LAMB1: variants seen among roughly 807,000 people sequenced by gnomAD.
LAMB1 encodes laminin subunit beta 1.
LAMB1 carries 121 observed loss-of-function variants against 222.3 expected under a neutral mutation model. The ratio of observed to expected loss-of-function variants is 0.54; its 90% CI spans 0.47 to 0.63. The LOEUF (loss-of-function observed/expected upper bound fraction) is 0.63. Ranked by LOEUF, LAMB1 falls within the 30% of genes least tolerant of loss-of-function variation. The pLI is 0.00. For missense variants in LAMB1, 2,172 were observed against 2,240.8 expected, an observed-to-expected ratio of 0.97 and a Z score of 0.62; for synonymous variants, 794 against 807.2, an observed-to-expected ratio of 0.98 and a Z score of 0.28.
intron 14 of LAMB1, 152 bp downstream of exon 14, chr7:107,964,400 C>G: frequency 1.1e-6 from 1 of 885,678 alleles, no homozygotes. Flanking sequence ...TTAAATATGA[C>G]TCTTCTCAGG....
chr7:108,002,889 G>C lies in LAMB1; in HGVS notation c.-4C>G. On this transcript the variant is annotated 5_prime_UTR_variant, in exon 2 of 34. Coordinates refer to ENST00000222399, the MANE Select transcript of LAMB1 (RefSeq NM_002291.3). ...CTAGCAACTGGAGAAGCCCCATGCC[G>C]GCTCCCTGCAGCCACGGGGACGCGG... 1 of 1,613,986 alleles carries C rather than the reference G, an allele frequency of 6.2e-7. No individual in the cohort carries two copies. The highest frequency in any genetic ancestry group is 8.5e-7 in the Non-Finnish European group (1 of 1,179,998).
chr7:107,973,141 A>T, intron 12 of LAMB1, 70 bp from the exon 13 acceptor site: 1 of 1,265,272 alleles, frequency 7.9e-7, no homozygotes, highest in Non-Finnish European at 1.2e-6. Context: ...GCAACAAGCA[A>T]GTTAAAGCTT....
At chr7:107,929,374 C>A (rs752293599) in intron 30 of LAMB1, 38 bp downstream of exon 30, 4 of 1,574,814 alleles carry the variant, frequency 2.5e-6, no homozygotes, top group Non-Finnish European at 3.5e-6. Context: ...ATGATAGATA[C>A]ACAAAATAAG....
intron 2 of LAMB1, chr7:108,002,080 T>C (rs1056756497): frequency 8.2e-6 from 12 of 1,464,138 alleles, no homozygotes; most frequent in Non-Finnish European, 1.1e-5. Context: ...CACTTCGACG[T>C]GTCCGGAGCC....
intron 8 of LAMB1, among the ~76,000 whole-genome samples, chr7:107,980,003 T>C (rs182308270): frequency 6.6e-6 from 1 of 152,022 alleles, no homozygotes; most frequent in African/African-American, 2.4e-5. Context: ...AGGTCAGGAG[T>C]TTGAGATCAG....
chr7:107,923,834 A>G lies in LAMB1; in HGVS notation c.*117T>C. On this transcript the variant is annotated 3_prime_UTR_variant, in exon 34 of 34. Coordinates refer to ENST00000222399, the MANE Select transcript of LAMB1 (RefSeq NM_002291.3). ...AGCACTGTACTTTATTTAACTCCAT[A>G]CAAAATGTGATTAAAAACATTAAAT... The G allele has an allele frequency of 4.1e-6, 4 of 986,894 alleles. No individual in the cohort carries two copies. Among genetic ancestry groups the G allele is most frequent in the Non-Finnish European group, 5.9e-6 (4 of 675,646 alleles). The allele number at this position is 986,894 out of a possible 1,614,324, so 61.1% of individuals were successfully genotyped here. A position where few individuals can be genotyped will look rare whatever the true frequency, so the allele number is the denominator to read the frequency against.
Position 107,964,481 on chromosome 7 carries a change from T to TGAAATGGG in LAMB1, c.1698+70_1698+71insCCCATTTC, listed in dbSNP as rs1202219917. On this transcript the variant is annotated intron_variant, in intron 14 of 33. Coordinates refer to ENST00000222399, the MANE Select transcript of LAMB1 (RefSeq NM_002291.3). ...AAAAATGCTTCTGAAATGGGGTCTT[T>TGAAATGGG]ACAAAGCATGTATGTTCCACTACAC... The TGAAATGGG allele has an allele frequency of 2.1e-4, 328 of 1,578,882 alleles. 1 individual carries two copies. The Middle Eastern group carries it at 2.7e-3, about 13-fold the overall frequency.
Position 107,926,400 on chromosome 7 carries a change from A to G in LAMB1, c.4888-41T>C, listed in dbSNP as rs1189741727. ...TTTTCCAGCAAGACATTAGTTTAAG[A>G]AATGGAATTACTATGAGTACAAGTT... On this transcript the variant is annotated intron_variant, in intron 31 of 33. Coordinates refer to ENST00000222399, the MANE Select transcript of LAMB1 (RefSeq NM_002291.3). 4 of 1,557,360 alleles carry G rather than the reference A, an allele frequency of 2.6e-6. No individual in the cohort carries two copies. In the African/African-American group the frequency reaches 5.4e-5, roughly 21 times the overall value.
At chr7:107,932,887 T>A (rs2032747062) in intron 27 of LAMB1, among the ~76,000 whole-genome samples, 1 of 152,134 alleles carries the variant, frequency 6.6e-6, no homozygotes, top group Admixed American at 6.5e-5. Context: ...TAGCCAAGAA[T>A]AGGTCAGATG....
intron 8 of LAMB1, among the ~76,000 whole-genome samples, chr7:107,979,607 G>C (rs1434370436): frequency 1.3e-5 from 2 of 151,742 alleles, no homozygotes; most frequent in Non-Finnish European, 2.9e-5. Flanking sequence ...GATACTAATA[G>C]AATAAACTCA....
chr7:107,935,347 GTTTTTTTT>G (rs200599445), intron 27 of LAMB1, 60 bp downstream of exon 27: 152 of 1,173,108 alleles, frequency 1.3e-4, no homozygotes, highest in African/African-American at 9.4e-4. Flanking sequence ...GTTTTTCTTT[GTTTTTTTT>G]TTTTTTTTTT....
chr7:107,924,385 A>C lies in LAMB1; in HGVS notation c.5069T>G (p.Leu1690Ter). The C allele has an allele frequency of 6.2e-7, 1 of 1,603,934 alleles. No homozygotes were observed. The change falls in exon 33 of 34, where the codon TTA (leucine) becomes TGA (stop). Residue 1690 changes from leucine (L) to a stop codon, truncating the protein, a stop_gained. Transcript: ENST00000222399. LOFTEE classifies it high-confidence loss of function. ...ATACTTTTCATCAAGTTCACCATCT[A>C]AAGTCTATAGTTCCACATTTAGACA... The part of the protein sequence containing the change: ...KQSAEDVKKT[L>*]DGELDEKYKK...
chr7:107,984,044 G>A (rs1350840642), intron 7 of LAMB1, among the ~76,000 whole-genome samples: 5 of 152,082 alleles, frequency 3.3e-5, no homozygotes, highest in African/African-American at 1.2e-4. Context: ...ATTTTATTGA[G>A]TATATTGAGA....
At chr7:107,945,158 T>C (rs756387723) in intron 24 of LAMB1, among the ~76,000 whole-genome samples, 7 of 152,248 alleles carry the variant, frequency 4.6e-5, no homozygotes, top group Non-Finnish European at 1.0e-4. Context: ...CACTCTCTGT[T>C]CTGTGGCCAG....
At position 107,975,098 on chromosome 7, in the gene LAMB1, G is replaced by T; in HGVS notation, c.1370C>A (p.Ser457Tyr). ...TGTTCCCAGAGGATTGCAAGCACAA[G>T]CTGTATTAAAACAAAATGAAGTGGA... ...LSSEDPFGCKSCACNPLGTIP... is the reference protein window; with the variant it reads ...LSSEDPFGCKYCACNPLGTIP... Residue 457 changes from serine to tyrosine, a missense_variant and splice_region_variant, in exon 12 of 34, where the codon TCT becomes TAT. Ser to Tyr is a moderately radical substitution (Grantham distance 144). Coordinates refer to ENST00000222399, the MANE Select transcript of LAMB1 (RefSeq NM_002291.3). 1 of 1,600,400 alleles carries T rather than the reference G, an allele frequency of 6.2e-7. No individual in the cohort carries two copies. The highest frequency in any genetic ancestry group is 8.6e-7 in the Non-Finnish European group (1 of 1,167,594).
Position 107,931,404 on chromosome 7 carries a change from T to C in LAMB1, c.4489A>G (p.Asn1497Asp). ...TTGATTAGATTTCTCAGCTCCTCAT[T>C]GCTCTTGTCCATTTTTTCTTTGGTA... ...NATKEKMDKS[N>D]EELRNLIKQI... The change falls in exon 29 of 34, where the codon AAT (asparagine) becomes GAT (aspartate). Residue 1497 changes from asparagine (N) to aspartate (D), a missense_variant. Transcript: ENST00000222399. The C allele has an allele frequency of 6.2e-7, 1 of 1,613,930 alleles. No individual in the cohort carries two copies. Among genetic ancestry groups the C allele is most frequent in the Non-Finnish European group, 8.5e-7 (1 of 1,179,874 alleles).
Position 107,975,819 on chromosome 7 carries a change from G to A in LAMB1, c.1059C>T (p.Ala353=). The A allele has an allele frequency of 6.2e-7, 1 of 1,613,964 alleles. No homozygotes were observed. Among genetic ancestry groups the A allele is most frequent in the Non-Finnish European group, 8.5e-7 (1 of 1,180,000 alleles). Residue 353 remains alanine (A), a synonymous_variant, in exon 10 of 34, where the codon GCC becomes GCT. Transcript: ENST00000222399. ...ACACGCCTCCGCTGACGTTCCCCGT[G>A]GCCAGGTAAACAGCCATGTCAAAGT... The part of the protein sequence containing the change: ...SCHFDMAVYL[A]TGNVSGGVCD...
Position 107,931,453 on chromosome 7 carries a change from T to G in LAMB1, c.4440A>C (p.Glu1480Asp). The change falls in exon 29 of 34, where the codon GAA becomes GAC. Residue 1480 changes from glutamate (E) to aspartate (D), a missense_variant. Transcript: ENST00000222399. ...TAGCATTTGTCTTCAACAGAATGTC[T>G]TCAGCACTTTGTTTTGCCTCATCTG... is the stretch of plus-strand genomic sequence containing the variant. ...LRADEAKQSA[E>D]DILLKTNATK... 3 of 1,613,786 alleles carry G rather than the reference T, an allele frequency of 1.9e-6. No individual in the cohort carries two copies.
chr7:107,981,704 A>G (rs1470268486), intron 7 of LAMB1, among the ~76,000 whole-genome samples: 1 of 152,214 alleles, frequency 6.6e-6, no homozygotes, highest in Non-Finnish European at 1.5e-5. Context: ...CACAGCAATT[A>G]ATGTCAGTTT....
Sources: allele counts gnomAD v4.1 joint callset (sites outside exome capture counted in the v4.1 genomes callset), GRCh38; gene constraint gnomAD v4.1.1; transcripts MANE v1.5; gene names NCBI Gene and HGNC (gene_info 2026-07-23, HGNC 2026-07-21).